The following LZTR1 variants were observed in gnomAD, a reference collection of about 807,000 sequenced individuals.
LZTR1 encodes leucine zipper like post translational regulator 1.
A neutral mutation model predicts 105.7 loss-of-function variants in LZTR1; 260 were observed. The ratio of observed to expected loss-of-function variants is 2.46; its 90% CI spans 2.22 to 2.72. LZTR1 has a LOEUF of 2.72. Ranked by LOEUF, LZTR1 falls within the 30% of genes most tolerant of loss-of-function variation. The probability of loss-of-function intolerance (pLI) is 0.00; values close to 1 mark genes in which losing one functional copy is unlikely to be tolerated. For missense variants in LZTR1, 1,214 were observed against 1,166.9 expected (o/e 1.04, Z -0.59); for synonymous variants, 490 against 476.4 (o/e 1.03, Z -0.37).
rs1453933519 is a variant in LZTR1 at position 20,996,066 on chromosome 22, C to CG, written c.2174dup (p.Tyr726LeufsTer56). The CG allele has an allele frequency of 1.2e-6, 2 of 1,613,270 alleles. No individual in the cohort carries two copies. The highest frequency in any genetic ancestry group is 1.3e-5 in the African/African-American group (1 of 74,900). ...CAGGCAGGCCTTCGAGTCCATGCTG[C>CG]GCTACATCTACTACGGCGAGGTCAA... On this transcript the variant is annotated frameshift_variant, in exon 18 of 21. Coordinates refer to ENST00000646124, the MANE Select transcript of LZTR1 (RefSeq NM_006767.4). LOFTEE classifies it high-confidence loss of function.
intron 3 of LZTR1, chr22:20,987,210 A>G (rs1924418088): frequency 3.5e-6 from 1 of 287,828 alleles, no homozygotes; most frequent in Non-Finnish European, 6.5e-6. Flanking sequence ...CCTGGCCAAC[A>G]TGGTGAAACC....
rs1924523150 is a variant in LZTR1 at position 20,989,640 on chromosome 22, GA to G, written c.610del (p.Thr204GlnfsTer48). ...DGNARLNDMW[T>X]IGLQDRELTC... Reference sequence around the variant, plus strand: ...CCTAATACAGGTTGAATGACATGTGGACAATTGGCCTCCAGGACCGAGAGCT... The same window carrying G: ...CCTAATACAGGTTGAATGACATGTGGCAATTGGCCTCCAGGACCGAGAGCT... On this transcript the variant is annotated frameshift_variant, in exon 7 of 21. Transcript: ENST00000646124. LOFTEE classifies it high-confidence loss of function. 6.2e-7 allele frequency: 1 copy of G among 1,613,692 alleles called. No individual in the cohort carries two copies. Among genetic ancestry groups the G allele is most frequent in the African/African-American group, 1.3e-5 (1 of 75,034 alleles).
intron 7 of LZTR1, among the ~76,000 whole-genome samples, chr22:20,989,895 G>A (rs1229929061): frequency 2.0e-5 from 3 of 152,188 alleles, no homozygotes; most frequent in South Asian, 2.1e-4. Flanking sequence ...GGTGACCTGC[G>A]GGCCTTCACG....
Position 20,982,439 on chromosome 22 carries a change from AG to A in LZTR1, c.70del (p.Val24Ter). The A allele has an allele frequency of 6.3e-7, 1 of 1,587,712 alleles. No homozygotes were observed. Among genetic ancestry groups the A allele is most frequent in the African/African-American group, 1.3e-5 (1 of 74,730 alleles). On this transcript the variant is annotated frameshift_variant, in exon 1 of 21. Coordinates refer to ENST00000646124, the MANE Select transcript of LZTR1 (RefSeq NM_006767.4). LOFTEE classifies it high-confidence loss of function. ...GCCCTGGCAGGCGGCGCGCGGTCCA[AG>A]GTAGCCCCGAGCGTGGACTTCGACC... Reference protein sequence around the residue: ...AAALAGGARSKVAPSVDFDHS... With the variant: ...AAALAGGARSXVAPSVDFDHS...
intron 18 of LZTR1, 98 bp from the exon 19 acceptor site, chr22:20,996,598 G>T (rs777000484): frequency 7.7e-6 from 7 of 913,248 alleles, no homozygotes; most frequent in South Asian, 2.9e-5. Context: ...GCATGCTGGC[G>T]TGGGGGCTTG....
chr22:20,993,353 C>T (rs1025968772), intron 11 of LZTR1: 11 of 499,016 alleles, frequency 2.2e-5, no homozygotes, highest in Admixed American at 1.6e-4. Flanking sequence ...AGTGTGAGGA[C>T]GCAGGTCCAG....
At chr22:20,994,823 G>A in intron 15 of LZTR1, 47 bp from the exon 16 acceptor site, 1 of 1,610,946 alleles carries the variant, frequency 6.2e-7, no homozygotes, top group Non-Finnish European at 8.5e-7. Context: ...GCCCAGCCTG[G>A]GGCCCTGGCT....
In LZTR1 at chr22:20,983,965, G is replaced by A. The variant is rs560322938; in HGVS notation, c.263+876G>A. Among the ~76,000 whole-genome samples the A allele has an allele frequency of 8.5e-5, 13 of 152,340 alleles. No homozygotes were observed. In the East Asian group the frequency reaches 2.5e-3, roughly 29 times the overall value. ...AAAGCCCAAGTCCTCATGAGAGTCT[G>A]CTGCTCCTCTGCCCTCAGTCCCTCA... On this transcript the variant is annotated intron_variant, in intron 2 of 20. Transcript: ENST00000646124.
intron 8 of LZTR1, 133 bp from the exon 9 acceptor site, chr22:20,991,495 C>T: frequency 1.4e-6 from 1 of 708,592 alleles, no homozygotes; most frequent in Non-Finnish European, 2.3e-6. Context: ...GTGTCTAGGC[C>T]CTCCCTCTGG....
intron 10 of LZTR1, 142 bp downstream of exon 10, chr22:20,992,511 CCTCACCCTG>C: frequency 1.0e-6 from 1 of 997,730 alleles, no homozygotes; most frequent in South Asian, 1.7e-5. Context: ...GGCCAAGGGC[CCTCACCCTG>C]CTGGCCAGGC....
rs749545220 is a variant in LZTR1 at position 20,990,469 on chromosome 22, G to A, written c.735G>A (p.Gly245=). ...VCRDKMFVFS[G]QSGAKITNNL... The stretch of plus-strand genomic sequence containing the variant: ...GGGACAAGATGTTTGTATTCTCTGG[G>A]CAAAGCGGAGCCAAAATAACCAACA... Residue 245 remains glycine (G), a synonymous_variant, in exon 8 of 21, where the codon GGG becomes GGA. Coordinates refer to ENST00000646124, the MANE Select transcript of LZTR1 (RefSeq NM_006767.4). 6.2e-7 allele frequency: 1 copy of A among 1,613,980 alleles called. No individual in the cohort carries two copies. Among genetic ancestry groups the A allele is most frequent in the South Asian group, 1.1e-5 (1 of 91,070 alleles).
intron 12 of LZTR1, 81 bp downstream of exon 12, chr22:20,993,835 G>T: frequency 1.9e-6 from 3 of 1,566,060 alleles, no homozygotes; most frequent in Non-Finnish European, 2.6e-6. Flanking sequence ...ACAGCTGCTG[G>T]CCTGGTGGTG....
chr22:20,995,125 G>T lies in LZTR1; in HGVS notation c.1942+99G>T, dbSNP rs1051768715. ...TGGAGAGCACCTGCCAGGCCCTCGGGGTGGGGGTGGGTGCCATGGGACCCC... is the reference window on the plus strand; with the variant it reads ...TGGAGAGCACCTGCCAGGCCCTCGGTGTGGGGGTGGGTGCCATGGGACCCC... On this transcript the variant is annotated intron_variant, in intron 16 of 20. Transcript: ENST00000646124. 57 of 1,354,652 alleles carry T rather than the reference G, an allele frequency of 4.2e-5. No individual in the cohort carries two copies. The Admixed American group carries it at 1.0e-3, about 25-fold the overall frequency. 83.9% of individuals were successfully genotyped at this position (1,354,652 alleles called of 1,614,324 possible). A position where few individuals can be genotyped will look rare whatever the true frequency, so the allele number is the denominator to read the frequency against.
chr22:20,986,081 G>T (rs896029751), intron 3 of LZTR1, 184 bp downstream of exon 3: 10 of 634,878 alleles, frequency 1.6e-5, no homozygotes, highest in Non-Finnish European at 2.5e-5. Flanking sequence ...AGGAGATCAA[G>T]TAACCACCCC....
chr22:20,988,535 C>A (rs1924483933), intron 5 of LZTR1, among the ~76,000 whole-genome samples: 1 of 152,190 alleles, frequency 6.6e-6, no homozygotes, highest in African/African-American at 2.4e-5. Flanking sequence ...TTTTTGAGCA[C>A]CCCCTTTGAT....
chr22:20,993,695 G>T lies in LZTR1; in HGVS notation c.1294G>T (p.Asp432Tyr). 10 of 1,613,596 alleles carry T rather than the reference G, an allele frequency of 6.2e-6. No homozygotes were observed. Among genetic ancestry groups the T allele is most frequent in the Non-Finnish European group, 7.6e-6 (9 of 1,179,968 alleles). The change falls in exon 12 of 21, where the codon GAC (aspartate) becomes TAC (tyrosine). Residue 432 changes from aspartate (D) to tyrosine (Y), a missense_variant. Asp to Tyr is a radical substitution (Grantham distance 160). Transcript: ENST00000646124. ...TTACCCTAAATGCACGCTGCACGAG[G>T]ACTACGGGCGGCTGTGGGAGAGCCG... is the stretch of plus-strand genomic sequence containing the variant. ...SCYPKCTLHE[D>Y]YGRLWESRQF...
intron 8 of LZTR1, 99 bp from the exon 9 acceptor site, chr22:20,991,529 G>A: frequency 1.1e-6 from 1 of 940,028 alleles, no homozygotes; most frequent in South Asian, 1.6e-5. Flanking sequence ...CACCGTAAGG[G>A]ATGCAGGGGG....
chr22:20,995,430 A>T (rs1334796508), intron 16 of LZTR1: 5 of 626,558 alleles, frequency 8.0e-6, no homozygotes, highest in Non-Finnish European at 1.5e-5. Flanking sequence ...GCTCTTGGTG[A>T]TGTCTGCAGG....
rs139080986 is a variant in LZTR1 at position 20,995,996 on chromosome 22, C to G, written c.2103C>G (p.Pro701=). 204 of 1,613,720 alleles carry G rather than the reference C, an allele frequency of 1.3e-4. No homozygotes were observed. The East Asian group carries it at 3.8e-3, about 30-fold the overall frequency. ...AAGCCATGTTCCGGTCCTTCATGCC[C>G]GAAGATGGGCAGGTGAACATCTCCA... ...YFEAMFRSFM[P]EDGQVNISIG... Residue 701 remains proline, a synonymous_variant, in exon 18 of 21, where the codon CCC becomes CCG. Coordinates refer to ENST00000646124, the MANE Select transcript of LZTR1 (RefSeq NM_006767.4).
Sources: allele counts gnomAD v4.1 joint callset (sites outside exome capture counted in the v4.1 genomes callset), GRCh38; gene constraint gnomAD v4.1.1; transcripts MANE v1.5; gene names NCBI Gene and HGNC (gene_info 2026-07-23, HGNC 2026-07-21).